OR6N1: variants seen among roughly 807,000 people sequenced by gnomAD.
The protein encoded by OR6N1 is olfactory receptor 6N1.
For synonymous variants in OR6N1, 170 were observed against 150.7 expected, an observed-to-expected ratio of 1.13 and a Z score of -0.94; for missense variants, 394 against 371.7, an observed-to-expected ratio of 1.06 and a Z score of -0.49.
At chr1:158,802,733 A>G in the OR6N1 span, among the ~76,000 whole-genome samples, 3 of 152,170 alleles carry the variant, frequency 2.0e-5, no homozygotes, top group Non-Finnish European at 2.9e-5. Context: ...CAAATGATTG[A>G]TGTTGAATAC....
At chr1:158,831,773 G>A in the OR6N1 span, among the ~76,000 whole-genome samples, 20 of 152,138 alleles carry the variant, frequency 1.3e-4, 1 homozygote, top group Non-Finnish European at 8.8e-5. Flanking sequence ...TTTGTCTACA[G>A]CAGGTTTTAA....
At chr1:158,812,243 T>C in the OR6N1 span, among the ~76,000 whole-genome samples, 1 of 152,216 alleles carries the variant, frequency 6.6e-6, no homozygotes, top group Non-Finnish European at 1.5e-5. Context: ...GTGATACAAA[T>C]GACTGTTTAT....
chr1:158,819,121 C>T, the OR6N1 span, among the ~76,000 whole-genome samples: 2 of 152,170 alleles, frequency 1.3e-5, no homozygotes, highest in African/African-American at 2.4e-5. Context: ...TCAACATTTT[C>T]TCTTCAGAGA....
the OR6N1 span, among the ~76,000 whole-genome samples, chr1:158,824,530 CT>C: frequency 7.9e-5 from 12 of 152,106 alleles, no homozygotes; most frequent in Non-Finnish European, 1.5e-5. Flanking sequence ...ATGAAAAGAA[CT>C]CTGTTGTTTT....
the OR6N1 span, among the ~76,000 whole-genome samples, chr1:158,795,616 C>T: frequency 6.6e-6 from 1 of 152,152 alleles, no homozygotes; most frequent in Admixed American, 6.5e-5. Context: ...AAAGTATGTC[C>T]CCATGTTGTT....
chr1:158,814,985 C>G, the OR6N1 span, among the ~76,000 whole-genome samples: 1 of 152,120 alleles, frequency 6.6e-6, no homozygotes, highest in South Asian at 2.1e-4. Context: ...GCAAAGAGAT[C>G]AGGTGTTTAG....
chr1:158,802,430 G>A, the OR6N1 span, among the ~76,000 whole-genome samples: 4 of 151,824 alleles, frequency 2.6e-5, no homozygotes, highest in East Asian at 1.9e-4. Context: ...AGATGGTCTC[G>A]CTCTCCTGAC....
chr1:158,810,038 C>A, the OR6N1 span, among the ~76,000 whole-genome samples: 1 of 152,208 alleles, frequency 6.6e-6, no homozygotes, highest in African/African-American at 2.4e-5. Context: ...TTGGTTGCCA[C>A]TAAGCATTAG....
At chr1:158,829,267 G>T in the OR6N1 span, among the ~76,000 whole-genome samples, 7 of 152,118 alleles carry the variant, frequency 4.6e-5, no homozygotes, top group Admixed American at 4.6e-4. Context: ...GCATTATTAG[G>T]CTGCAAATTT....
the OR6N1 span, among the ~76,000 whole-genome samples, chr1:158,799,824 T>G: frequency 6.6e-6 from 1 of 152,116 alleles, no homozygotes. Context: ...GGACAAGACT[T>G]GTGAACCTCC....
chr1:158,768,929 C>T (rs1657344838), intron 1 of OR6N1, among the ~76,000 whole-genome samples: 1 of 152,084 alleles, frequency 6.6e-6, no homozygotes, highest in Non-Finnish European at 1.5e-5. Flanking sequence ...TGGTTCTCTC[C>T]TCTTTGATTA....
chr1:158,838,235 G>A, the OR6N1 span, among the ~76,000 whole-genome samples: 1 of 151,956 alleles, frequency 6.6e-6, no homozygotes, highest in Non-Finnish European at 1.5e-5. Flanking sequence ...GTTTCAGCTT[G>A]AAGAAATCTC....
At chr1:158,809,495 G>A in the OR6N1 span, among the ~76,000 whole-genome samples, 2 of 152,098 alleles carry the variant, frequency 1.3e-5, no homozygotes, top group Admixed American at 6.5e-5. Context: ...GAAATGGTTG[G>A]CCCCATATCA....
the OR6N1 span, among the ~76,000 whole-genome samples, chr1:158,794,749 GA>G: frequency 6.6e-6 from 1 of 152,178 alleles, no homozygotes; most frequent in Non-Finnish European, 1.5e-5. Context: ...GGCAATAGCA[GA>G]AATTACACAG....
chr1:158,787,608 A>ATCTC, the OR6N1 span, among the ~76,000 whole-genome samples: 25 of 140,590 alleles, frequency 1.8e-4, no homozygotes, highest in East Asian at 4.2e-4. Flanking sequence ...CTCTCTCTCT[A>ATCTC]TCTATCTCTC....
At chr1:158,775,275 A>G (rs1376644620), upstream of OR6N1, 1 of 152,242 alleles carries the variant, frequency 6.6e-6, no homozygotes, top group Non-Finnish European at 1.5e-5. Context: ...TGATATTTGA[A>G]CAGAAAATCA....
the OR6N1 span, among the ~76,000 whole-genome samples, chr1:158,821,779 A>T: frequency 6.6e-6 from 1 of 151,962 alleles, no homozygotes; most frequent in African/African-American, 2.4e-5. Flanking sequence ...TAAGTTTTCA[A>T]CTCCTTTGGG....
the OR6N1 span, among the ~76,000 whole-genome samples, chr1:158,801,185 GTGTGTGTGGTCTGTC>G: frequency 6.6e-6 from 1 of 151,944 alleles, no homozygotes; most frequent in Non-Finnish European, 1.5e-5. Context: ...GTGTGTGTGT[GTGTGTGTGGTCTGTC>G]TGTGTGTGTA....
At chr1:158,773,821 ATG>A (rs1657485958), upstream of OR6N1, among the ~76,000 whole-genome samples, 1 of 151,972 alleles carries the variant, frequency 6.6e-6, no homozygotes, top group African/African-American at 2.4e-5. Flanking sequence ...ATGTGTGTGT[ATG>A]TGTGTGTGTT....
Sources: gnomAD v4.1 joint callset for allele counts (sites outside exome capture counted in the v4.1 genomes callset) on GRCh38, gnomAD v4.1.1 for gene constraint, MANE v1.5 for transcripts, NCBI Gene and HGNC (gene_info 2026-07-23, HGNC 2026-07-21) for gene names.